MAD1L1: variants seen among roughly 807,000 people sequenced by gnomAD.
The protein encoded by MAD1L1 is mitotic arrest deficient 1 like 1.
MAD1L1 carries 95 observed loss-of-function variants against 96.9 expected under a neutral mutation model. The ratio of observed to expected loss-of-function variants is 0.98; its 90% CI spans 0.83 to 1.16. The LOEUF is 1.16. Ranked by LOEUF, MAD1L1 falls within the 50% of genes most tolerant of loss-of-function variation. The pLI is 0.00. For missense variants in MAD1L1, 1,007 were observed against 954.4 expected (o/e 1.06, Z -0.73); for synonymous variants, 473 against 396.6 (o/e 1.19, Z -2.29).
intron 10 of MAD1L1, among the ~76,000 whole-genome samples, chr7:2,198,140 G>C (rs546364880): frequency 1.3e-3 from 194 of 149,528 alleles, no homozygotes; most frequent in Non-Finnish European, 2.3e-3. Context: ...TTTAAAAATA[G>C]AGATAGGGTC....
At chr7:2,205,511 C>A (rs1358529499) in intron 10 of MAD1L1, among the ~76,000 whole-genome samples, 12 of 152,162 alleles carry the variant, frequency 7.9e-5, no homozygotes, top group Admixed American at 7.2e-4. Flanking sequence ...GTCCTGACAC[C>A]CCTATCATTG....
At chr7:2,140,656 C>T (rs540784152) in intron 11 of MAD1L1, among the ~76,000 whole-genome samples, 12 of 152,342 alleles carry the variant, frequency 7.9e-5, no homozygotes, top group African/African-American at 2.4e-4. Flanking sequence ...CCAGGAGAAA[C>T]CCCAAGGAGC....
Position 1,889,101 on chromosome 7 carries a change from C to T in MAD1L1, c.1998+9099G>A, listed in dbSNP as rs926326846. Among the ~76,000 whole-genome samples the T allele has an allele frequency of 4.6e-5, 7 of 152,200 alleles. 1 individual carries two copies. The highest frequency in any genetic ancestry group is 4.1e-4 in the South Asian group (2 of 4,828). On this transcript the variant is annotated intron_variant, in intron 18 of 18. Transcript: ENST00000265854. ...ATACTGGCCAAGGTCACTGTCACCA[C>T]GACCCTTGGGCAGATGCGATGATCC...
chr7:1,961,447 T>C (rs1403085302), intron 15 of MAD1L1, among the ~76,000 whole-genome samples: 1 of 152,014 alleles, frequency 6.6e-6, no homozygotes, highest in Non-Finnish European at 1.5e-5. Flanking sequence ...ACAACCAATT[T>C]TTGAAAAATA....
At chr7:2,195,421 A>C (rs2128609130) in intron 10 of MAD1L1, among the ~76,000 whole-genome samples, 1 of 152,374 alleles carries the variant, frequency 6.6e-6, no homozygotes, top group East Asian at 1.9e-4. Context: ...AATGCAGGAA[A>C]AGTAAAAACT....
intron 15 of MAD1L1, among the ~76,000 whole-genome samples, chr7:1,961,772 A>G (rs980101774): frequency 6.6e-6 from 1 of 152,008 alleles, no homozygotes; most frequent in Non-Finnish European, 1.5e-5. Flanking sequence ...AATGAATCAG[A>G]GGGCAGTTTC....
Position 2,197,998 on chromosome 7 carries a change from T to C in MAD1L1, c.986+15214A>G, listed in dbSNP as rs145582839. On this transcript the variant is annotated intron_variant, in intron 10 of 18. Coordinates refer to ENST00000265854, the MANE Select transcript of MAD1L1 (RefSeq NM_001013836.2). ...TCAGCCCCTCCTCTAAGAGCAGGCCTGGGAACAGGCCCAGGACGGGGCAAC... is the reference window on the plus strand; with the variant it reads ...TCAGCCCCTCCTCTAAGAGCAGGCCCGGGAACAGGCCCAGGACGGGGCAAC... Among the ~76,000 whole-genome samples, 69 of 150,886 alleles carry C rather than the reference T, an allele frequency of 4.6e-4. 1 individual carries two copies. The highest frequency in any genetic ancestry group is 1.6e-3 in the African/African-American group (66 of 41,162).
At chr7:2,054,152 T>C (rs1273296136) in intron 12 of MAD1L1, among the ~76,000 whole-genome samples, 1 of 152,206 alleles carries the variant, frequency 6.6e-6, no homozygotes, top group Non-Finnish European at 1.5e-5. Context: ...GGCCAGGAGT[T>C]CCACAGCCTC....
At chr7:1,904,715 G>A (rs1301894865) in intron 17 of MAD1L1, among the ~76,000 whole-genome samples, 4 of 129,714 alleles carry the variant, frequency 3.1e-5, no homozygotes, top group African/African-American at 7.1e-5. Context: ...TATGGAAGAC[G>A]CTCTTGCGGA....
At position 1,941,151 on chromosome 7, in the gene MAD1L1, GGT is replaced by G. The variant is rs1778978457; in HGVS notation, c.1597-4256_1597-4255del. On this transcript the variant is annotated intron_variant, in intron 16 of 18. Coordinates refer to ENST00000265854, the MANE Select transcript of MAD1L1 (RefSeq NM_001013836.2). ...AGCAGATAGGGGGACTTGCAGGAGG[GGT>G]CGGGGGTCAGCGGTGGTGCGCCCAG... is the stretch of plus-strand genomic sequence containing the variant. Among the ~76,000 whole-genome samples the G allele has an allele frequency of 3.9e-5, 6 of 152,248 alleles. No individual in the cohort carries two copies. The South Asian group carries it at 1.2e-3, about 31-fold the overall frequency.
intron 13 of MAD1L1, among the ~76,000 whole-genome samples, chr7:2,010,729 T>TCAGAGC (rs1253334129): frequency 1.3e-5 from 2 of 152,188 alleles, no homozygotes; most frequent in Non-Finnish European, 2.9e-5. Context: ...GGAACCACTC[T>TCAGAGC]CAGAGCGATG....
chr7:2,195,494 A>G (rs1014384223), intron 10 of MAD1L1, among the ~76,000 whole-genome samples: 1 of 152,218 alleles, frequency 6.6e-6, no homozygotes, highest in African/African-American at 2.4e-5. Context: ...AGACTCGTAA[A>G]TAATTCCTAT....
At chr7:1,921,666 A>G (rs867781730) in intron 17 of MAD1L1, among the ~76,000 whole-genome samples, 8 of 152,258 alleles carry the variant, frequency 5.3e-5, no homozygotes, top group African/African-American at 1.9e-4. Flanking sequence ...ACAGGTAAGA[A>G]AACCTTTAAG....
At chr7:2,060,338 C>T (rs184294168) in intron 12 of MAD1L1, among the ~76,000 whole-genome samples, 21 of 149,594 alleles carry the variant, frequency 1.4e-4, no homozygotes, top group Admixed American at 8.7e-4. Flanking sequence ...TACGCCAATG[C>T]CAAGATGTCG....
chr7:1,943,988 A>T (rs1779115288), intron 16 of MAD1L1, among the ~76,000 whole-genome samples: 1 of 152,226 alleles, frequency 6.6e-6, no homozygotes, highest in Admixed American at 6.5e-5. Flanking sequence ...GGAATACACC[A>T]CCGACACCTA....
chr7:1,887,219 G>A lies in MAD1L1; in HGVS notation c.1998+10981C>T, dbSNP rs1387170882. ...AGACAGAGGCCAACTGTGAGCATGTGTGTGTGAGCATGTGTATGTGGGGGT... is the reference window on the plus strand; with the variant it reads ...AGACAGAGGCCAACTGTGAGCATGTATGTGTGAGCATGTGTATGTGGGGGT... On this transcript the variant is annotated intron_variant, in intron 18 of 18. Coordinates refer to ENST00000265854, the MANE Select transcript of MAD1L1 (RefSeq NM_001013836.2). 3.3e-5 allele frequency among the ~76,000 whole-genome samples: 5 copies of A among 152,242 alleles called. No homozygotes were observed. In the East Asian group the frequency reaches 7.7e-4, roughly 23 times the overall value.
At chr7:1,895,986 C>A (rs1490602843) in intron 18 of MAD1L1, among the ~76,000 whole-genome samples, 3 of 152,232 alleles carry the variant, frequency 2.0e-5, no homozygotes, top group African/African-American at 4.8e-5. Context: ...GGATGCCTGG[C>A]AAGAGCTGCG....
intron 11 of MAD1L1, among the ~76,000 whole-genome samples, chr7:2,092,447 G>T (rs557602162): frequency 1.4e-3 from 208 of 152,064 alleles, no homozygotes; most frequent in African/African-American, 4.7e-3. Context: ...TCACGCATCT[G>T]CCCTCTGGAT....
At chr7:1,819,029 T>C (rs553594396) in intron 18 of MAD1L1, among the ~76,000 whole-genome samples, 9 of 152,162 alleles carry the variant, frequency 5.9e-5, no homozygotes, top group South Asian at 2.1e-4. Flanking sequence ...CCCAGCCACA[T>C]TGGGAGGCTC....
Sources: allele counts gnomAD v4.1 joint callset (sites outside exome capture counted in the v4.1 genomes callset), GRCh38; gene constraint gnomAD v4.1.1; transcripts MANE v1.5; gene names NCBI Gene and HGNC (gene_info 2026-07-23, HGNC 2026-07-21).